MEGF10: variants seen among roughly 807,000 people sequenced by gnomAD.
MEGF10 encodes multiple EGF like domains 10, also known as multiple epidermal growth factor-like domains protein 10.
In MEGF10, 86 loss-of-function variants were observed where a neutral mutation model predicts 147.5. The observed-to-expected ratio is 0.58, with a 90% CI of 0.49 to 0.70. The LOEUF is 0.70. Among genes scored for constraint, MEGF10 ranks in the 30% least tolerant of loss-of-function variants. The pLI is 0.00. For missense variants in MEGF10, 1,329 were observed against 1,487.3 expected (o/e 0.89, Z 1.75); for synonymous variants, 478 against 525.5 (o/e 0.91, Z 1.24).
At chr5:127,431,522 T>C (rs2126996814) in intron 13 of MEGF10, among the ~76,000 whole-genome samples, 1 of 152,326 alleles carries the variant, frequency 6.6e-6, no homozygotes, top group South Asian at 2.1e-4. Context: ...GGACTGCTTT[T>C]TCAGGATGAT....
the MEGF10 span, among the ~76,000 whole-genome samples, chr5:127,251,567 C>G: frequency 2.6e-5 from 4 of 152,070 alleles, no homozygotes; most frequent in East Asian, 7.7e-4. Flanking sequence ...AATTACTTTA[C>G]AAATTAGGGT....
the MEGF10 span, among the ~76,000 whole-genome samples, chr5:127,232,633 TA>T: frequency 6.6e-6 from 1 of 152,008 alleles, no homozygotes; most frequent in Non-Finnish European, 1.5e-5. Flanking sequence ...TAGTACAGGG[TA>T]AATGTCCCAA....
chr5:127,301,121 G>A (rs1759747339), intron 1 of MEGF10, among the ~76,000 whole-genome samples: 1 of 152,190 alleles, frequency 6.6e-6, no homozygotes. Flanking sequence ...GTTGATATGA[G>A]GGGTGAAGTC....
intron 9 of MEGF10, among the ~76,000 whole-genome samples, chr5:127,414,161 C>G (rs1764670535): frequency 1.3e-5 from 2 of 151,994 alleles, no homozygotes; most frequent in Non-Finnish European, 2.9e-5. Flanking sequence ...TCCTGTTGAC[C>G]CCTTTATATG....
At chr5:127,364,043 A>T in intron 4 of MEGF10, among the ~76,000 whole-genome samples, 1 of 152,318 alleles carries the variant, frequency 6.6e-6, no homozygotes, top group East Asian at 1.9e-4. Context: ...TTTATCTTTC[A>T]TGAGATCCCC....
chr5:127,388,357 C>A (rs1013664235), intron 5 of MEGF10, among the ~76,000 whole-genome samples: 1 of 151,960 alleles, frequency 6.6e-6, no homozygotes, highest in East Asian at 1.9e-4. Flanking sequence ...CCATGTTACC[C>A]AGGCTGGTCT....
chr5:127,280,245 T>A, the MEGF10 span, among the ~76,000 whole-genome samples: 1 of 152,200 alleles, frequency 6.6e-6, no homozygotes, highest in Non-Finnish European at 1.5e-5. Context: ...TTGCACTGAT[T>A]AAACATTTGC....
rs572631136 is a variant in MEGF10, at chr5:127,323,721, G to C, written c.-18-7570G>C. 2.0e-5 allele frequency among the ~76,000 whole-genome samples: 3 copies of C among 152,320 alleles called. No individual in the cohort carries two copies. In the East Asian group the frequency reaches 5.8e-4, roughly 29 times the overall value. On this transcript the variant is annotated intron_variant, in intron 1 of 24. Coordinates refer to ENST00000503335, the MANE Select transcript of MEGF10 (RefSeq NM_001256545.2). ...ATTACTCACAGTTTCTGTGGGCTAGGAAGTTGAGAGTAGCTTAGCTGGTGG... is the reference window on the plus strand; with the variant it reads ...ATTACTCACAGTTTCTGTGGGCTAGCAAGTTGAGAGTAGCTTAGCTGGTGG...
upstream of MEGF10, among the ~76,000 whole-genome samples, chr5:127,290,607 G>C (rs534720741): frequency 2.1e-4 from 32 of 152,334 alleles, no homozygotes; most frequent in South Asian, 1.2e-3. Context: ...AGGCAGGGGC[G>C]ACTCACGATC....
intron 1 of MEGF10, among the ~76,000 whole-genome samples, chr5:127,328,416 A>G (rs1273920780): frequency 1.3e-5 from 2 of 152,180 alleles, no homozygotes; most frequent in African/African-American, 4.8e-5. Context: ...TTTTCTTTCA[A>G]AAATGGTACC....
At chr5:127,439,812 A>G (rs1369122073) in intron 17 of MEGF10, among the ~76,000 whole-genome samples, 1 of 152,180 alleles carries the variant, frequency 6.6e-6, no homozygotes, top group African/African-American at 2.4e-5. Flanking sequence ...CAAGACGGGA[A>G]TATCCATCCC....
At chr5:127,276,810 G>T in the MEGF10 span, among the ~76,000 whole-genome samples, 1 of 152,170 alleles carries the variant, frequency 6.6e-6, no homozygotes, top group Non-Finnish European at 1.5e-5. Flanking sequence ...ATATAGGATA[G>T]TAGAAGGTGA....
chr5:127,420,131 G>A lies in MEGF10; in HGVS notation c.1514G>A (p.Gly505Glu), dbSNP rs199699950. 2.0e-5 allele frequency: 32 copies of A among 1,614,114 alleles called. No individual in the cohort carries two copies. The highest frequency in any genetic ancestry group is 2.6e-5 in the Non-Finnish European group (31 of 1,180,054). Residue 505 changes from glycine to glutamate, a missense_variant, in exon 12 of 25, where the codon GGA becomes GAA. By Grantham distance (98) the Gly-to-Glu change is moderately conservative (BLOSUM62 -2). Coordinates refer to ENST00000503335, the MANE Select transcript of MEGF10 (RefSeq NM_001256545.2). ...TTAACATGCCAGTGCCTCAACGGGGGAGCCTGCAACACCCTGGACGGGACC... is the reference window on the plus strand; with the variant it reads ...TTAACATGCCAGTGCCTCAACGGGGAAGCCTGCAACACCCTGGACGGGACC... ...CNLTCQCLNG[G>E]ACNTLDGTCT...
chr5:127,292,642 A>G (rs1759311824), intron 1 of MEGF10, among the ~76,000 whole-genome samples: 1 of 152,174 alleles, frequency 6.6e-6, no homozygotes, highest in South Asian at 2.1e-4. Context: ...TATATGGCAG[A>G]GCTGGAATTT....
chr5:127,418,355 C>T (rs1004939226), intron 10 of MEGF10, among the ~76,000 whole-genome samples: 1 of 152,202 alleles, frequency 6.6e-6, no homozygotes, highest in African/African-American at 2.4e-5. Context: ...GGAATCTTTG[C>T]TTTAAAGGAG....
In MEGF10 at chr5:127,455,381, C is replaced by G. The variant is rs765741361; in HGVS notation, c.3026-20C>G. On this transcript the variant is annotated intron_variant, in intron 23 of 24. Transcript: ENST00000503335. ...GCCAGTGACACAGCATTAGCTTTCT[C>G]TTCTCATTTCTCTTCACAGACCTGG... is the stretch of plus-strand genomic sequence containing the variant. The G allele has an allele frequency of 1.4e-5, 22 of 1,601,442 alleles. No homozygotes were observed. The East Asian group carries it at 4.9e-4, about 36-fold the overall frequency.
At chr5:127,405,900 T>A (rs2126941781) in intron 8 of MEGF10, among the ~76,000 whole-genome samples, 1 of 152,322 alleles carries the variant, frequency 6.6e-6, no homozygotes, top group African/African-American at 2.4e-5. Flanking sequence ...ATTATTGACA[T>A]CCTTAGTACA....
chr5:127,385,027 C>T (rs1763379876), intron 5 of MEGF10, among the ~76,000 whole-genome samples: 2 of 152,272 alleles, frequency 1.3e-5, no homozygotes, highest in Middle Eastern at 3.4e-3. Flanking sequence ...TCAGGAAGAA[C>T]CATGTTTTTC....
chr5:127,433,613 G>A, intron 14 of MEGF10, 104 bp downstream of exon 14: 2 of 1,343,654 alleles, frequency 1.5e-6, no homozygotes, highest in Non-Finnish European at 2.0e-6. Context: ...ATGTCCTGTT[G>A]CAGTTGAAGG....
Sources: allele counts gnomAD v4.1 joint callset (sites outside exome capture counted in the v4.1 genomes callset), GRCh38; gene constraint gnomAD v4.1.1; transcripts MANE v1.5; gene names NCBI Gene and HGNC (gene_info 2026-07-23, HGNC 2026-07-21).